Variants in OSBPL6 observed in about 807,000 individuals in gnomAD.
The protein encoded by OSBPL6 is oxysterol-binding protein-related protein 6.
Under a neutral mutation model 125.8 loss-of-function variants are expected in OSBPL6, and 49 were observed. The observed-to-expected ratio is 0.39, with a 90% confidence interval of 0.31 to 0.49. The LOEUF is 0.49. OSBPL6 is among the 20% of genes least tolerant of loss of function. The pLI is 0.88. For synonymous variants in OSBPL6, 394 were observed against 391.8 expected (o/e 1.01, Z -0.07); for missense variants, 986 against 1,135.4 (o/e 0.87, Z 1.89).
chr2:178,311,051 T>G (rs574415121), intron 3 of OSBPL6, among the ~76,000 whole-genome samples: 1 of 152,202 alleles, frequency 6.6e-6, no homozygotes, highest in Non-Finnish European at 1.5e-5. Context: ...GAGCCACTCT[T>G]CTGCACCAAG....
intron 10 of OSBPL6, among the ~76,000 whole-genome samples, chr2:178,339,305 A>T (rs1185780775): frequency 2.0e-5 from 3 of 152,222 alleles, no homozygotes; most frequent in Non-Finnish European, 4.4e-5. Flanking sequence ...TTAAATACAC[A>T]CTAACCAAAA....
chr2:178,238,617 T>G (rs972673508), intron 1 of OSBPL6, among the ~76,000 whole-genome samples: 1 of 152,124 alleles, frequency 6.6e-6, no homozygotes, highest in Non-Finnish European at 1.5e-5. Context: ...AAAAAAAAAT[T>G]CCTGCTGGTT....
At chr2:178,357,312 T>C (rs1691891490) in intron 12 of OSBPL6, among the ~76,000 whole-genome samples, 1 of 152,192 alleles carries the variant, frequency 6.6e-6, no homozygotes, top group Non-Finnish European at 1.5e-5. Flanking sequence ...ACCTACAGAA[T>C]GGGAGAAGAT....
intron 1 of OSBPL6, among the ~76,000 whole-genome samples, chr2:178,256,890 A>G (rs1353427402): frequency 1.3e-5 from 2 of 152,224 alleles, no homozygotes; most frequent in Non-Finnish European, 2.9e-5. Flanking sequence ...TTAGACCAGA[A>G]CATTACAGCA....
At position 178,243,974 on chromosome 2, in the gene OSBPL6, A is replaced by T. The variant is rs189127338; in HGVS notation, c.-350-40953A>T. Among the ~76,000 whole-genome samples, 212 of 152,284 alleles carry T rather than the reference A, an allele frequency of 1.4e-3. 3 individuals are homozygous for T. In the East Asian group the frequency reaches 0.027, roughly 19 times the overall value. ...CCCATTCATTGTTTTAAAAACACAAATCTGATCCTTTTTCTGCTCTGTTTA... is the reference window on the plus strand; with the variant it reads ...CCCATTCATTGTTTTAAAAACACAATTCTGATCCTTTTTCTGCTCTGTTTA... On this transcript the variant is annotated intron_variant, in intron 1 of 24. Coordinates refer to ENST00000190611, the MANE Select transcript of OSBPL6 (RefSeq NM_032523.4).
intron 13 of OSBPL6, among the ~76,000 whole-genome samples, chr2:178,364,167 G>A (rs564134808): frequency 3.3e-5 from 5 of 152,330 alleles, no homozygotes; most frequent in African/African-American, 1.2e-4. Flanking sequence ...AGTGGAAGAA[G>A]TAGGAGATGA....
At chr2:178,229,481 C>G (rs2090721436) in intron 1 of OSBPL6, among the ~76,000 whole-genome samples, 1 of 152,188 alleles carries the variant, frequency 6.6e-6, no homozygotes, top group Non-Finnish European at 1.5e-5. Flanking sequence ...GCTTCCCATT[C>G]CCTTTCCCTA....
rs1347708073 is a variant in OSBPL6, at chr2:178,250,868, A to G, written c.-350-34059A>G. Among the ~76,000 whole-genome samples, 3 of 151,930 alleles carry G rather than the reference A, an allele frequency of 2.0e-5. No homozygotes were observed. In the East Asian group the frequency reaches 5.8e-4, roughly 29 times the overall value. On this transcript the variant is annotated intron_variant, in intron 1 of 24. Coordinates refer to ENST00000190611, the MANE Select transcript of OSBPL6 (RefSeq NM_032523.4). ...ATTATTGATCTCATACCTCCCCACC[A>G]TTAACCTGTCAGGCTGGTGCTGTGT...
intron 1 of OSBPL6, among the ~76,000 whole-genome samples, chr2:178,274,413 TATAAATAAACTA>T (rs1276527477): frequency 6.6e-6 from 1 of 152,092 alleles, no homozygotes; most frequent in Admixed American, 6.6e-5. Flanking sequence ...AAGTGCTATA[TATAAATAAACTA>T]ATAAATAAAC....
chr2:178,359,168 C>G (rs1049609636), intron 12 of OSBPL6, among the ~76,000 whole-genome samples: 1 of 151,954 alleles, frequency 6.6e-6, no homozygotes, highest in Non-Finnish European at 1.5e-5. Context: ...AGAGTGGGAC[C>G]TTGTCTCATA....
At chr2:178,204,861 C>T (rs2089449030) in intron 1 of OSBPL6, among the ~76,000 whole-genome samples, 1 of 152,302 alleles carries the variant, frequency 6.6e-6, no homozygotes, top group African/African-American at 2.4e-5. Context: ...TTTATTGATT[C>T]ATTGACTGAT....
At chr2:178,326,347 T>C (rs749148559) in intron 4 of OSBPL6, among the ~76,000 whole-genome samples, 1 of 152,188 alleles carries the variant, frequency 6.6e-6, no homozygotes, top group Non-Finnish European at 1.5e-5. Flanking sequence ...TTTATTGTTA[T>C]TAGATTAAAA....
At chr2:178,361,192 C>T (rs900889483) in intron 12 of OSBPL6, among the ~76,000 whole-genome samples, 1 of 152,206 alleles carries the variant, frequency 6.6e-6, no homozygotes, top group Non-Finnish European at 1.5e-5. Context: ...GTCAAAACTT[C>T]TTGATCAGCC....
At chr2:178,305,845 C>T (rs201207659) in intron 2 of OSBPL6, among the ~76,000 whole-genome samples, 185 bp from the exon 3 acceptor site, 1 of 59,320 alleles carries the variant, frequency 1.7e-5, no homozygotes, top group African/African-American at 6.9e-5. Flanking sequence ...TGTTAACAGT[C>T]CTTTTTTTTT....
At chr2:178,370,773 A>G (rs2154104698) in intron 13 of OSBPL6, among the ~76,000 whole-genome samples, 1 of 152,324 alleles carries the variant, frequency 6.6e-6, no homozygotes, top group Admixed American at 6.5e-5. Flanking sequence ...CAGATCAAGT[A>G]TATGATTTGA....
At chr2:178,288,232 A>C (rs1284219818) in intron 2 of OSBPL6, among the ~76,000 whole-genome samples, 1 of 152,150 alleles carries the variant, frequency 6.6e-6, no homozygotes, top group Non-Finnish European at 1.5e-5. Flanking sequence ...TCTTCTGCTC[A>C]AGGAGCACCT....
intron 1 of OSBPL6, among the ~76,000 whole-genome samples, chr2:178,241,732 A>T (rs1256641219): frequency 6.6e-6 from 1 of 152,178 alleles, no homozygotes; most frequent in Non-Finnish European, 1.5e-5. Context: ...TTTTTAAAAG[A>T]CATCTTAAAG....
chr2:178,205,080 G>A (rs2089460762), intron 1 of OSBPL6, among the ~76,000 whole-genome samples: 2 of 152,026 alleles, frequency 1.3e-5, no homozygotes, highest in Non-Finnish European at 2.9e-5. Flanking sequence ...TGACTGCCAA[G>A]CTCCTGCAGT....
At chr2:178,341,620 G>T (rs1468517892) in intron 11 of OSBPL6, among the ~76,000 whole-genome samples, 1 of 152,108 alleles carries the variant, frequency 6.6e-6, no homozygotes, top group Non-Finnish European at 1.5e-5. Flanking sequence ...GAGGGAAATT[G>T]AAATCATCTC....
Sources: gnomAD v4.1 joint callset for allele counts (sites outside exome capture counted in the v4.1 genomes callset) on GRCh38, gnomAD v4.1.1 for gene constraint, MANE v1.5 for transcripts, NCBI Gene and HGNC (gene_info 2026-07-23, HGNC 2026-07-21) for gene names.